COL25A1: variants seen among roughly 807,000 people sequenced by gnomAD.
The protein encoded by COL25A1 is collagen type XXV alpha 1 chain.
COL25A1 carries 103 observed loss-of-function variants against 128.4 expected under a neutral mutation model. The observed-to-expected ratio is 0.80, with a 90% CI of 0.68 to 0.94. The LOEUF is 0.94. Ranked by LOEUF, COL25A1 falls within the 40% of genes least tolerant of loss-of-function variation. The pLI is 0.00. For missense variants in COL25A1, 745 were observed against 840.0 expected (o/e 0.89, Z 1.40); for synonymous variants, 279 against 277.2 (o/e 1.01, Z -0.06).
At chr4:109,051,033 T>C (rs918206265) in intron 3 of COL25A1, among the ~76,000 whole-genome samples, 1 of 152,190 alleles carries the variant, frequency 6.6e-6, no homozygotes, top group African/African-American at 2.4e-5. Context: ...TAGCCTTGCA[T>C]TGAATTATGG....
intron 3 of COL25A1, among the ~76,000 whole-genome samples, chr4:109,096,338 G>A (rs976593839): frequency 1.3e-5 from 2 of 152,154 alleles, no homozygotes; most frequent in Non-Finnish European, 2.9e-5. Context: ...TTATAATGGA[G>A]CTGAAAAATT....
intron 11 of COL25A1, among the ~76,000 whole-genome samples, chr4:108,936,799 A>AT (rs1419782872): frequency 2.0e-5 from 2 of 98,200 alleles, no homozygotes; most frequent in African/African-American, 3.7e-5. Flanking sequence ...CCTGTTTCTT[A>AT]AATATATATA....
chr4:108,975,803 C>A (rs928667840), intron 6 of COL25A1, among the ~76,000 whole-genome samples: 1 of 152,104 alleles, frequency 6.6e-6, no homozygotes, highest in African/African-American at 2.4e-5. Flanking sequence ...CATTTTACAT[C>A]CTTTTTCATA....
chr4:109,065,539 CGCGCGCGTGTGT>C (rs1762358563), intron 3 of COL25A1, among the ~76,000 whole-genome samples: 1 of 133,502 alleles, frequency 7.5e-6, no homozygotes, highest in African/African-American at 2.9e-5. Flanking sequence ...AGCACGCGCG[CGCGCGCGTGTGT>C]GTGTGTGTGT....
At chr4:108,858,784 A>G (rs962216451) in intron 24 of COL25A1, among the ~76,000 whole-genome samples, 9 of 152,198 alleles carry the variant, frequency 5.9e-5, no homozygotes, top group Non-Finnish European at 8.8e-5. Flanking sequence ...CAAATTAGAA[A>G]CACCAAAATA....
At chr4:109,066,824 G>A (rs1313683716) in intron 3 of COL25A1, among the ~76,000 whole-genome samples, 2 of 151,958 alleles carry the variant, frequency 1.3e-5, no homozygotes, top group African/African-American at 4.8e-5. Flanking sequence ...CACCACACCT[G>A]GCTAATTTTT....
At chr4:109,074,228 T>C (rs968359680) in intron 3 of COL25A1, among the ~76,000 whole-genome samples, 11 of 152,188 alleles carry the variant, frequency 7.2e-5, no homozygotes, top group African/African-American at 2.4e-4. Flanking sequence ...CACCCACTGA[T>C]TGCCTTCTGC....
At chr4:108,960,089 A>G (rs984331898) in intron 8 of COL25A1, among the ~76,000 whole-genome samples, 1 of 152,140 alleles carries the variant, frequency 6.6e-6, no homozygotes, top group Admixed American at 6.5e-5. Flanking sequence ...GTTTCCTAAT[A>G]TAGAAGATCC....
At chr4:108,836,186 T>C (rs1733795539) in intron 31 of COL25A1, among the ~76,000 whole-genome samples, 1 of 152,078 alleles carries the variant, frequency 6.6e-6, no homozygotes, top group African/African-American at 2.4e-5. Flanking sequence ...ACGTCTTTTG[T>C]TAGCAATAAT....
chr4:109,077,789 A>G (rs1474466174), intron 3 of COL25A1, among the ~76,000 whole-genome samples: 1 of 152,232 alleles, frequency 6.6e-6, no homozygotes. Flanking sequence ...GTGCCGAAGG[A>G]TAAGACTGCA....
intron 3 of COL25A1, among the ~76,000 whole-genome samples, chr4:109,101,196 A>G (rs1272208493): frequency 3.3e-5 from 5 of 152,300 alleles, no homozygotes; most frequent in Admixed American, 6.5e-5. Flanking sequence ...ATTCAAAGGG[A>G]GTAAAAAAGA....
intron 3 of COL25A1, among the ~76,000 whole-genome samples, chr4:109,107,983 T>C (rs746153552): frequency 2.0e-5 from 3 of 152,228 alleles, no homozygotes; most frequent in African/African-American, 7.2e-5. Context: ...CTAAAAGGTA[T>C]CAGTGTAAAC....
intron 3 of COL25A1, among the ~76,000 whole-genome samples, chr4:109,252,981 G>A (rs1466746690): frequency 1.3e-5 from 2 of 152,166 alleles, no homozygotes; most frequent in Non-Finnish European, 2.9e-5. Context: ...AGCAGGAGTT[G>A]GGATCATAAG....
intron 3 of COL25A1, among the ~76,000 whole-genome samples, chr4:109,228,050 C>T (rs1778920859): frequency 6.6e-6 from 1 of 152,132 alleles, no homozygotes; most frequent in Admixed American, 6.5e-5. Context: ...GTTCTGATGT[C>T]CCCAGCGGCA....
At chr4:109,090,566 G>A (rs1279746087) in intron 3 of COL25A1, among the ~76,000 whole-genome samples, 1 of 152,164 alleles carries the variant, frequency 6.6e-6, no homozygotes, top group Non-Finnish European at 1.5e-5. Flanking sequence ...TGCAAGTGCT[G>A]AAATGTAGTT....
intron 6 of COL25A1, among the ~76,000 whole-genome samples, chr4:108,976,344 C>A (rs1752443161): frequency 6.6e-6 from 1 of 152,124 alleles, no homozygotes; most frequent in Admixed American, 6.5e-5. Context: ...GAAAATGTAC[C>A]TTTTCCCCAT....
chr4:109,172,287 G>GA (rs1343150690), intron 3 of COL25A1, among the ~76,000 whole-genome samples: 2 of 152,070 alleles, frequency 1.3e-5, no homozygotes, highest in African/African-American at 4.8e-5. Context: ...CCAAGCAGGA[G>GA]AAACAGATAT....
chr4:108,856,419 A>AT (rs1736513201), intron 24 of COL25A1, among the ~76,000 whole-genome samples: 1 of 152,150 alleles, frequency 6.6e-6, no homozygotes, highest in Admixed American at 6.6e-5. Context: ...ATCCTAGAGT[A>AT]TTTTTGGCAG....
At chr4:108,947,442 C>CA (rs371935048) in intron 8 of COL25A1, among the ~76,000 whole-genome samples, 3,531 of 120,456 alleles carry the variant, frequency 0.029, 89 homozygotes, top group East Asian at 0.073. Flanking sequence ...AACTCCGTCT[C>CA]AAAAAAAAAA....
Sources: gnomAD v4.1 joint callset for allele counts (sites outside exome capture counted in the v4.1 genomes callset) on GRCh38, gnomAD v4.1.1 for gene constraint, MANE v1.5 for transcripts, NCBI Gene and HGNC (gene_info 2026-07-23, HGNC 2026-07-21) for gene names.